MLLT10: variants seen among roughly 807,000 people sequenced by gnomAD.
MLLT10 encodes the protein protein AF-10.
A neutral mutation model predicts 129.1 loss-of-function variants in MLLT10; 30 were observed. The ratio of observed to expected loss-of-function variants is 0.23; its 90% CI spans 0.17 to 0.32. The LOEUF (loss-of-function observed/expected upper bound fraction) is 0.32, where lower values mean the gene tolerates loss of function less well. MLLT10 is among the 10% of genes least tolerant of loss of function. The pLI, the probability that MLLT10 is intolerant of heterozygous loss-of-function variation, is 1.00. For synonymous variants in MLLT10, 490 were observed against 446.4 expected (o/e 1.10, Z -1.23); for missense variants, 1,119 against 1,268.3 (o/e 0.88, Z 1.79).
At chr10:21,737,904 TTTGATTC>T (rs1286209679) in intron 21 of MLLT10, among the ~76,000 whole-genome samples, 4 of 152,208 alleles carry the variant, frequency 2.6e-5, no homozygotes, top group African/African-American at 9.6e-5. Flanking sequence ...TGAAAATACT[TTTGATTC>T]TGGATCATTT....
chr10:21,534,294 G>A lies in MLLT10; in HGVS notation c.-227G>A, dbSNP rs1300557575. On this transcript the variant is annotated 5_prime_UTR_variant, in exon 1 of 23. Coordinates refer to ENST00000307729, the MANE Select transcript of MLLT10 (RefSeq NM_001195626.3). The stretch of plus-strand genomic sequence containing the variant: ...CCCCTTCCCCTCCCTCGCTGCCCCT[G>A]GCCCAGCGGGAGCCCCCCCTCCCCC... 1 of 379,256 alleles carries A rather than the reference G, an allele frequency of 2.6e-6. No individual in the cohort carries two copies. The highest frequency in any genetic ancestry group is 2.2e-5 in the African/African-American group (1 of 46,044). 23.5% of individuals were successfully genotyped at this position (379,256 alleles called of 1,614,324 possible).
At chr10:21,716,622 A>T (rs1393163865) in intron 14 of MLLT10, among the ~76,000 whole-genome samples, 1 of 151,802 alleles carries the variant, frequency 6.6e-6, no homozygotes, top group Admixed American at 6.6e-5. Flanking sequence ...TGAACATGGG[A>T]AGTGGAGGCT....
intron 14 of MLLT10, among the ~76,000 whole-genome samples, chr10:21,720,574 A>C (rs909939749): frequency 6.6e-6 from 1 of 152,236 alleles, no homozygotes; most frequent in East Asian, 1.9e-4. Context: ...CAATAATATA[A>C]ATTGGATCTA....
intron 5 of MLLT10, 73 bp downstream of exon 5, chr10:21,595,513 A>G: frequency 8.6e-7 from 1 of 1,167,162 alleles, no homozygotes; most frequent in Non-Finnish European, 1.2e-6. Context: ...TTGTGTTTTT[A>G]AAATCACAGG....
chr10:21,673,318 C>CAGGT, intron 10 of MLLT10, 32 bp from the exon 11 acceptor site: 1 of 307,340 alleles, frequency 3.3e-6, no homozygotes, highest in Non-Finnish European at 5.0e-6. Flanking sequence ...CACCCCCCAA[C>CAGGT]TTTTTTTTTT....
At chr10:21,567,882 C>T (rs1194646491) in intron 3 of MLLT10, among the ~76,000 whole-genome samples, 14 of 149,214 alleles carry the variant, frequency 9.4e-5, no homozygotes, top group Non-Finnish European at 1.3e-4. Flanking sequence ...TGCAGTGGTG[C>T]GATCTCTGCT....
chr10:21,685,593 C>T (rs1300503249), intron 13 of MLLT10, among the ~76,000 whole-genome samples: 2 of 152,190 alleles, frequency 1.3e-5, no homozygotes, highest in Admixed American at 6.5e-5. Context: ...TGGTCCACCT[C>T]GGCCTCCTAA....
intron 5 of MLLT10, among the ~76,000 whole-genome samples, chr10:21,604,043 C>CA (rs968675372): frequency 2.6e-5 from 4 of 152,072 alleles, no homozygotes; most frequent in African/African-American, 9.7e-5. Context: ...TTAAGGACTT[C>CA]ACATACATTT....
intron 4 of MLLT10, among the ~76,000 whole-genome samples, chr10:21,593,091 ACC>A (rs2042669298): frequency 7.7e-6 from 1 of 130,338 alleles, no homozygotes; most frequent in Non-Finnish European, 1.6e-5. Flanking sequence ...TGTTAATCCC[ACC>A]CATTGATTTT....
intron 9 of MLLT10, among the ~76,000 whole-genome samples, chr10:21,660,018 C>T (rs752179079): frequency 7.2e-5 from 11 of 151,732 alleles, no homozygotes; most frequent in South Asian, 2.1e-4. Context: ...CTCTGTTGCC[C>T]GGGCTGGAGT....
chr10:21,672,207 G>GTGTGTA (rs950414625), intron 10 of MLLT10, among the ~76,000 whole-genome samples: 6 of 150,326 alleles, frequency 4.0e-5, no homozygotes, highest in African/African-American at 1.5e-4. Flanking sequence ...GTGTGTGTGT[G>GTGTGTA]TGTATTTTGA....
chr10:21,639,457 A>G (rs2047776248), intron 8 of MLLT10, among the ~76,000 whole-genome samples: 2 of 152,218 alleles, frequency 1.3e-5, no homozygotes, highest in Non-Finnish European at 2.9e-5. Context: ...AGTGGCTCAC[A>G]GAACTGAGGG....
chr10:21,689,267 A>G (rs574689701), intron 13 of MLLT10, among the ~76,000 whole-genome samples: 1 of 151,980 alleles, frequency 6.6e-6, no homozygotes, highest in Non-Finnish European at 1.5e-5. Flanking sequence ...CCCTTTGAGA[A>G]CATACACTCT....
intron 17 of MLLT10, 118 bp downstream of exon 17, chr10:21,731,172 A>G: frequency 1.1e-6 from 1 of 932,776 alleles, no homozygotes; most frequent in South Asian, 1.7e-5. Flanking sequence ...TATACATTTT[A>G]TATAATACAG....
chr10:21,550,720 C>T (rs200127276), intron 3 of MLLT10, among the ~76,000 whole-genome samples: 5 of 151,706 alleles, frequency 3.3e-5, no homozygotes, highest in East Asian at 3.9e-4. Flanking sequence ...TTAGTAGAGA[C>T]GGGGGTTTCA....
intron 8 of MLLT10, among the ~76,000 whole-genome samples, chr10:21,645,473 A>G (rs937671380): frequency 6.6e-6 from 1 of 152,142 alleles, no homozygotes; most frequent in Non-Finnish European, 1.5e-5. Flanking sequence ...AATTTGTTCT[A>G]TTTCAGTGTA....
intron 13 of MLLT10, among the ~76,000 whole-genome samples, chr10:21,697,304 A>T (rs968139811): frequency 2.6e-5 from 4 of 151,884 alleles, no homozygotes; most frequent in African/African-American, 9.7e-5. Flanking sequence ...TGTCTCTACT[A>T]AAAATACAAA....
intron 5 of MLLT10, among the ~76,000 whole-genome samples, chr10:21,596,931 G>C (rs1422442483): frequency 2.0e-5 from 3 of 151,440 alleles, no homozygotes; most frequent in East Asian, 3.9e-4. Flanking sequence ...TAATGCAGAA[G>C]TTTACATTTT....
At chr10:21,588,848 G>T (rs1356776511) in intron 4 of MLLT10, among the ~76,000 whole-genome samples, 1 of 147,738 alleles carries the variant, frequency 6.8e-6, no homozygotes, top group Non-Finnish European at 1.5e-5. Flanking sequence ...TTTTGAGACA[G>T]GGTCTCCCTC....
Sources: gnomAD v4.1 joint callset for allele counts (sites outside exome capture counted in the v4.1 genomes callset) on GRCh38, gnomAD v4.1.1 for gene constraint, MANE v1.5 for transcripts, NCBI Gene and HGNC (gene_info 2026-07-23, HGNC 2026-07-21) for gene names.